FHAD1: variants seen among roughly 807,000 people sequenced by gnomAD.
The protein encoded by FHAD1 is forkhead-associated domain-containing protein 1.
A neutral mutation model predicts 191.3 loss-of-function variants in FHAD1; 146 were observed. That is an observed-to-expected ratio of 0.76 (90% CI 0.67 to 0.88). The LOEUF is 0.88. Ranked by LOEUF, FHAD1 falls within the 40% of genes least tolerant of loss-of-function variation. The probability of loss-of-function intolerance (pLI) is 0.00; values close to 1 mark genes in which losing one functional copy is unlikely to be tolerated. For missense variants in FHAD1, 1,635 were observed against 1,785.8 expected, an observed-to-expected ratio of 0.92 and a Z score of 1.52; for synonymous variants, 616 against 672.3, an observed-to-expected ratio of 0.92 and a Z score of 1.29.
chr1:15,295,634 C>CATATATATATATATAT (rs34586844), intron 4 of FHAD1, among the ~76,000 whole-genome samples: 25 of 150,506 alleles, frequency 1.7e-4, no homozygotes, highest in African/African-American at 6.1e-4. Context: ...TCTCTCTAAA[C>CATATATATATATATAT]ATATATATAT....
intron 23 of FHAD1, among the ~76,000 whole-genome samples, chr1:15,364,572 T>C (rs1695821365): frequency 6.6e-6 from 1 of 152,046 alleles, no homozygotes; most frequent in Admixed American, 6.6e-5. Context: ...ATCACGCCAC[T>C]GCACTCCAGC....
rs185275433 is a variant in FHAD1, at chr1:15,293,495, G to C, written c.569-3189G>C. 2.3e-3 allele frequency among the ~76,000 whole-genome samples: 353 copies of C among 152,260 alleles called. 7 individuals are homozygous for C. The Middle Eastern group carries it at 0.037, about 16-fold the overall frequency. On this transcript the variant is annotated intron_variant, in intron 4 of 33. Transcript: ENST00000688493. ...AGCACTTTGGGAGGCCAAGGAGGGC[G>C]AATCACAAGGTCGGGAGTCTGAGAC...
intron 1 of FHAD1, among the ~76,000 whole-genome samples, chr1:15,239,830 G>T (rs552143068): frequency 2.0e-5 from 3 of 152,328 alleles, no homozygotes; most frequent in Non-Finnish European, 4.4e-5. Flanking sequence ...ATGCACTGCT[G>T]GGGGGTGTAG....
intron 3 of FHAD1, among the ~76,000 whole-genome samples, chr1:15,273,693 T>C (rs1657085088): frequency 6.6e-6 from 1 of 152,220 alleles, no homozygotes; most frequent in African/African-American, 2.4e-5. Flanking sequence ...CTTTTTGTGT[T>C]GGTTTGTGCA....
rs577149511 is a variant in FHAD1 at position 15,379,142 on chromosome 1, G to A, written c.3706-1559G>A. 3.8e-3 allele frequency among the ~76,000 whole-genome samples: 574 copies of A among 152,286 alleles called. 9 individuals carry two copies. The highest frequency in any genetic ancestry group is 0.013 in the African/African-American group (522 of 41,560). On this transcript the variant is annotated intron_variant, in intron 28 of 33. Transcript: ENST00000688493. ...AAATAAGGGGGCCCGGGGAACCAGCGTTCAGCATATGGAGGATCCCGCCAG... is the reference window on the plus strand; with the variant it reads ...AAATAAGGGGGCCCGGGGAACCAGCATTCAGCATATGGAGGATCCCGCCAG...
chr1:15,272,641 G>T (rs570771092), intron 3 of FHAD1, 112 bp downstream of exon 3: 50 of 937,886 alleles, frequency 5.3e-5, no homozygotes, highest in Non-Finnish European at 8.0e-5. Flanking sequence ...GTGATCGCAC[G>T]CTGCACACAG....
At chr1:15,296,649 T>C (rs752228497) in intron 4 of FHAD1, 35 bp from the exon 5 acceptor site, 65 of 1,517,236 alleles carry the variant, frequency 4.3e-5, no homozygotes, top group Non-Finnish European at 5.6e-5. Flanking sequence ...AAACTCATGA[T>C]GTCTTTTGTG....
intron 1 of FHAD1, among the ~76,000 whole-genome samples, chr1:15,248,170 T>C (rs1238584621): frequency 6.6e-6 from 1 of 152,212 alleles, no homozygotes; most frequent in African/African-American, 2.4e-5. Flanking sequence ...TTTTGTACTT[T>C]CATTCATTCA....
At chr1:15,237,918 G>A (rs892605169) in intron 1 of FHAD1, among the ~76,000 whole-genome samples, 2 of 152,136 alleles carry the variant, frequency 1.3e-5, no homozygotes, top group African/African-American at 2.4e-5. Flanking sequence ...AGCAGCGAGC[G>A]ATGGGGATGA....
At chr1:15,257,679 C>T (rs1648916699) in intron 2 of FHAD1, among the ~76,000 whole-genome samples, 1 of 152,340 alleles carries the variant, frequency 6.6e-6, no homozygotes, top group Middle Eastern at 3.4e-3. Flanking sequence ...AATGCATGGG[C>T]CTACTTTCCC....
intron 2 of FHAD1, among the ~76,000 whole-genome samples, chr1:15,260,287 G>C (rs747047513): frequency 6.6e-6 from 1 of 152,344 alleles, no homozygotes; most frequent in South Asian, 2.1e-4. Flanking sequence ...TGTGTGTATG[G>C]TGGGGAACTG....
At chr1:15,244,477 A>G (rs1247455831), upstream of FHAD1, among the ~76,000 whole-genome samples, 3 of 152,148 alleles carry the variant, frequency 2.0e-5, no homozygotes, top group Non-Finnish European at 4.4e-5. This position sits in a 1 kb window ranked among gnomAD's most constrained non-coding sequence, Gnocchi z 5.1. Context: ...GTTCATGTTA[A>G]TGACAAGAGT....
rs141395705 is a variant in FHAD1 at position 15,371,353 on chromosome 1, G to C, written c.3447+1851G>C. On this transcript the variant is annotated intron_variant, in intron 26 of 33. Coordinates refer to ENST00000688493, the MANE Select transcript of FHAD1 (RefSeq NM_001391957.1). ...TTTATATTATGTGGAAGGATTAGTG[G>C]AGGAGGACGGGGGAGGGAGACTGCA... is the stretch of plus-strand genomic sequence containing the variant. Among the ~76,000 whole-genome samples, 12 of 152,352 alleles carry C rather than the reference G, an allele frequency of 7.9e-5. No individual in the cohort carries two copies. The East Asian group carries it at 2.3e-3, about 29-fold the overall frequency.
chr1:15,337,315 C>T (rs775721295), intron 14 of FHAD1, among the ~76,000 whole-genome samples: 10 of 152,196 alleles, frequency 6.6e-5, no homozygotes, highest in Non-Finnish European at 1.0e-4. Context: ...CACACCCCAC[C>T]GCAACCCCAA....
chr1:15,286,320 T>C (rs1256822623), intron 3 of FHAD1, among the ~76,000 whole-genome samples: 1 of 152,142 alleles, frequency 6.6e-6, no homozygotes, highest in Non-Finnish European at 1.5e-5. Flanking sequence ...CTGCACAACA[T>C]GGCAAAACCC....
At chr1:15,306,537 C>T (rs548773872) in intron 6 of FHAD1, among the ~76,000 whole-genome samples, 1 of 152,178 alleles carries the variant, frequency 6.6e-6, no homozygotes. Context: ...CCCAGAGGCC[C>T]AGGAGGAAAA....
intron 14 of FHAD1, 32 bp from the exon 15 acceptor site, chr1:15,339,449 A>G: frequency 9.3e-7 from 1 of 1,077,326 alleles, no homozygotes; most frequent in Middle Eastern, 2.4e-4. Context: ...TTGAATTGAT[A>G]CTTACATTCT....
chr1:15,322,802 A>G (rs867556263), intron 10 of FHAD1, among the ~76,000 whole-genome samples: 1 of 152,220 alleles, frequency 6.6e-6, no homozygotes, highest in Non-Finnish European at 1.5e-5. Flanking sequence ...GTCACGGCCA[A>G]AGGTGCTCAG....
intron 14 of FHAD1, among the ~76,000 whole-genome samples, chr1:15,335,101 C>T (rs773664549): frequency 6.6e-6 from 1 of 152,188 alleles, no homozygotes; most frequent in Non-Finnish European, 1.5e-5. Context: ...GCGGGGTAAA[C>T]GTCAGGGAAA....
Sources: allele counts gnomAD v4.1 joint callset (sites outside exome capture counted in the v4.1 genomes callset), GRCh38; gene constraint gnomAD v4.1.1; non-coding constraint Gnocchi (gnomAD v3.1); transcripts MANE v1.5; gene names NCBI Gene and HGNC (gene_info 2026-07-23, HGNC 2026-07-21).